RRM2B: variants seen among roughly 807,000 people sequenced by gnomAD.
The protein encoded by RRM2B is ribonucleotide reductase regulatory TP53 inducible subunit M2B.
A neutral mutation model predicts 45.9 loss-of-function variants in RRM2B; 20 were observed. That is an observed-to-expected ratio of 0.44 (90% CI 0.31 to 0.63). The LOEUF (loss-of-function observed/expected upper bound fraction) is 0.63, where lower values mean the gene tolerates loss of function less well. RRM2B is among the 30% of genes least tolerant of loss of function. The pLI, the probability that RRM2B is intolerant of heterozygous loss-of-function variation, is 0.09. For missense variants in RRM2B, 320 were observed against 414.7 expected, an observed-to-expected ratio of 0.77 and a Z score of 1.98; for synonymous variants, 124 against 132.3, an observed-to-expected ratio of 0.94 and a Z score of 0.43.
intron 8 of RRM2B, 59 bp from the exon 9 acceptor site, chr8:102,208,344 A>G: frequency 7.9e-7 from 1 of 1,273,466 alleles, no homozygotes; most frequent in Non-Finnish European, 1.1e-6. Context: ...ATCCACAATA[A>G]GAGCAAAGAT....
At chr8:102,211,004 CAG>C (rs147839097) in intron 8 of RRM2B, among the ~76,000 whole-genome samples, 5,577 of 146,666 alleles carry the variant, frequency 0.038, 155 homozygotes, top group Admixed American at 0.089. Context: ...CATGTATATG[CAG>C]AGAGAGAGAG....
chr8:102,238,617 G>C, intron 1 of RRM2B: 5 of 1,531,428 alleles, frequency 3.3e-6, no homozygotes, highest in East Asian at 2.5e-5. Context: ...GCAGCGAGCG[G>C]GACGCAAACC....
At chr8:102,232,111 T>C (rs772533716) in intron 2 of RRM2B, 38 bp downstream of exon 2, 2 of 1,586,066 alleles carry the variant, frequency 1.3e-6, no homozygotes, top group Non-Finnish European at 1.7e-6. Context: ...AACACTGCAC[T>C]ATAGGATGTG....
rs923340349 is a variant in RRM2B at position 102,228,390 on chromosome 8, G to A, written c.205-2356C>T. On this transcript the variant is annotated intron_variant, in intron 2 of 8. Coordinates refer to ENST00000251810, the MANE Select transcript of RRM2B (RefSeq NM_015713.5). Reference sequence around the variant, plus strand: ...AAATCCTCTGTATTCACCACCCTTCGATTTGTTCATGTGATCTGATTTTTC... The same window carrying A: ...AAATCCTCTGTATTCACCACCCTTCAATTTGTTCATGTGATCTGATTTTTC... Among the ~76,000 whole-genome samples, 5 of 152,060 alleles carry A rather than the reference G, an allele frequency of 3.3e-5. No homozygotes were observed. In the South Asian group the frequency reaches 6.2e-4, roughly 19 times the overall value.
chr8:102,210,905 A>C (rs1305532293), intron 8 of RRM2B, among the ~76,000 whole-genome samples: 2 of 152,170 alleles, frequency 1.3e-5, no homozygotes, highest in African/African-American at 4.8e-5. Context: ...AGCTCCTACA[A>C]GTTTTGATAC....
At position 102,206,665 on chromosome 8, in the gene RRM2B, T is replaced by C. The variant is rs1471774833; in HGVS notation, c.*1468A>G. ...GTATACAGAATACCAAATAATAATG[T>C]ATTAAAAATTCAGTATTTCAGTATT... On this transcript the variant is annotated 3_prime_UTR_variant, in exon 9 of 9. Coordinates refer to ENST00000251810, the MANE Select transcript of RRM2B (RefSeq NM_015713.5). 1.3e-5 allele frequency: 2 copies of C among 152,156 alleles called. No individual in the cohort carries two copies. The highest frequency in any genetic ancestry group is 2.9e-5 in the Non-Finnish European group (2 of 68,006). The allele number at this position is 152,156 out of a possible 1,614,324, so 9.4% of individuals were successfully genotyped here. A position where few individuals can be genotyped will look rare whatever the true frequency, so the allele number is the denominator to read the frequency against.
rs1020662439 is a variant in RRM2B, at chr8:102,208,048, T to A, written c.*85A>T. 8.9e-7 allele frequency: 1 copy of A among 1,121,378 alleles called. No homozygotes were observed. Among genetic ancestry groups the A allele is most frequent in the Non-Finnish European group, 1.3e-6 (1 of 749,710 alleles). The allele number at this position is 1,121,378 out of a possible 1,614,324, so 69.5% of individuals were successfully genotyped here. A position where few individuals can be genotyped will look rare whatever the true frequency, so the allele number is the denominator to read the frequency against. Reference sequence around the variant, plus strand: ...AGCAAACCCCCAGTCCTTTAAAGGATATACTTAAAATTTTTTTTAAGCAGA... The same window carrying A: ...AGCAAACCCCCAGTCCTTTAAAGGAAATACTTAAAATTTTTTTTAAGCAGA... On this transcript the variant is annotated 3_prime_UTR_variant, in exon 9 of 9. Transcript: ENST00000251810.
intron 6 of RRM2B, among the ~76,000 whole-genome samples, chr8:102,215,113 T>C (rs970541491): frequency 7.6e-6 from 1 of 132,064 alleles, no homozygotes; most frequent in Non-Finnish European, 1.6e-5. Context: ...AGGTCGGATA[T>C]AGAAAGATGG....
At chr8:102,220,967 G>A (rs917929758) in intron 5 of RRM2B, among the ~76,000 whole-genome samples, 2 of 152,100 alleles carry the variant, frequency 1.3e-5, no homozygotes, top group African/African-American at 2.4e-5. Flanking sequence ...GGGGAAAGTC[G>A]GATACATTTT....
At chr8:102,221,971 C>T (rs1186697107) in intron 5 of RRM2B, among the ~76,000 whole-genome samples, 1 of 152,202 alleles carries the variant, frequency 6.6e-6, no homozygotes, top group Non-Finnish European at 1.5e-5. Flanking sequence ...CTCAGTCCCA[C>T]CTGGGCCTCC....
intron 6 of RRM2B, among the ~76,000 whole-genome samples, chr8:102,216,040 T>C (rs1008775692): frequency 6.6e-6 from 1 of 151,536 alleles, no homozygotes; most frequent in Non-Finnish European, 1.5e-5. Flanking sequence ...CTACAAATTA[T>C]TAAAATATAT....
intron 2 of RRM2B, among the ~76,000 whole-genome samples, chr8:102,228,398 C>T (rs1248620016): frequency 6.6e-6 from 1 of 152,160 alleles, no homozygotes; most frequent in Admixed American, 6.5e-5. Flanking sequence ...TCGATTTGTT[C>T]ATGTGATCTG....
chr8:102,224,010 G>A (rs1371855158), intron 5 of RRM2B, 36 bp downstream of exon 5: 1 of 1,428,326 alleles, frequency 7.0e-7, no homozygotes. Flanking sequence ...TATCACCTTA[G>A]GCAAATCTGA....
chr8:102,210,006 G>C lies in RRM2B; in HGVS notation c.904-1721C>G, dbSNP rs957341728. Among the ~76,000 whole-genome samples the C allele has an allele frequency of 3.3e-5, 5 of 152,204 alleles. 1 individual carries two copies. Among genetic ancestry groups the C allele is most frequent in the Admixed American group, 3.3e-4 (5 of 15,282 alleles). ...TGGTTGCCTAAGGCAAGGTGGGTAA[G>C]GGGAGGAAAGAGGAGTGACTGACTG... is the stretch of plus-strand genomic sequence containing the variant. On this transcript the variant is annotated intron_variant, in intron 8 of 8. Coordinates refer to ENST00000251810, the MANE Select transcript of RRM2B (RefSeq NM_015713.5).
At chr8:102,237,625 C>G (rs555485609) in intron 1 of RRM2B, among the ~76,000 whole-genome samples, 1 of 152,138 alleles carries the variant, frequency 6.6e-6, no homozygotes, top group African/African-American at 2.4e-5. Context: ...TCTGTCCTTG[C>G]GGGTCTGTAT....
intron 1 of RRM2B, chr8:102,238,306 T>C (rs1401082795): frequency 8.9e-6 from 3 of 336,142 alleles, no homozygotes; most frequent in Non-Finnish European, 1.8e-5. Flanking sequence ...ACTGGCCTCC[T>C]ACCCTGATTT....
chr8:102,210,424 C>G (rs1323341196), intron 8 of RRM2B, among the ~76,000 whole-genome samples: 1 of 150,054 alleles, frequency 6.7e-6, no homozygotes, highest in East Asian at 1.9e-4. Context: ...ACAAAGTAAC[C>G]AAGACCAAAA....
Position 102,232,239 on chromosome 8 carries a change from ACT to A in RRM2B, c.112_113del (p.Ser38PhefsTer13). ...KSNEEPLLRK[S>X]SRRFVIFPIQ... Reference sequence around the variant, plus strand: ...TTGGAAAGATGACAAACCGGCGAGAACTCTTTCTTAGGAGTGGCTCTTCATTT... The same window carrying A: ...TTGGAAAGATGACAAACCGGCGAGAACTTTCTTAGGAGTGGCTCTTCATTT... On this transcript the variant is annotated frameshift_variant, in exon 2 of 9. Transcript: ENST00000251810. LOFTEE classifies it high-confidence loss of function. The A allele has an allele frequency of 6.2e-7, 1 of 1,613,982 alleles. No individual in the cohort carries two copies. Among genetic ancestry groups the A allele is most frequent in the Non-Finnish European group, 8.5e-7 (1 of 1,179,898 alleles).
In RRM2B at chr8:102,208,020, T is replaced by C; in HGVS notation, c.*113A>G. The C allele has an allele frequency of 1.2e-6, 1 of 842,858 alleles. No individual in the cohort carries two copies. Among genetic ancestry groups the C allele is most frequent in the Non-Finnish European group, 1.9e-6 (1 of 522,848 alleles). The allele number at this position is 842,858 out of a possible 1,614,324, so 52.2% of individuals were successfully genotyped here. On this transcript the variant is annotated 3_prime_UTR_variant, in exon 9 of 9. Transcript: ENST00000251810. ...TTTAGAATAGGTTTTGGATTTCCTT[T>C]TGAGCAAACCCCCAGTCCTTTAAAG...
Sources: allele counts gnomAD v4.1 joint callset (sites outside exome capture counted in the v4.1 genomes callset), GRCh38; gene constraint gnomAD v4.1.1; transcripts MANE v1.5; gene names NCBI Gene and HGNC (gene_info 2026-07-23, HGNC 2026-07-21).